The following CADPS2 variants were observed in gnomAD, a reference collection of about 807,000 sequenced individuals.
CADPS2 encodes the protein calcium-dependent secretion activator 2.
Under a neutral mutation model 172.5 loss-of-function variants are expected in CADPS2, and 93 were observed. The observed-to-expected ratio is 0.54, with a 90% CI of 0.46 to 0.64. CADPS2 has a LOEUF of 0.64. Ranked by LOEUF, CADPS2 falls within the 30% of genes least tolerant of loss-of-function variation. The pLI is 0.00. For synonymous variants in CADPS2, 546 were observed against 555.2 expected, an observed-to-expected ratio of 0.98 and a Z score of 0.23; for missense variants, 1,420 against 1,565.9, an observed-to-expected ratio of 0.91 and a Z score of 1.57.
chr7:122,854,262 C>T (rs1003517263), intron 1 of CADPS2, among the ~76,000 whole-genome samples: 3 of 151,986 alleles, frequency 2.0e-5, no homozygotes, highest in East Asian at 3.9e-4. Context: ...TTCCCAGCTA[C>T]TTGGGAAGCA....
At position 122,537,443 on chromosome 7, in the gene CADPS2, C is replaced by T. The variant is rs532860662; in HGVS notation, c.1475+17107G>A. Among the ~76,000 whole-genome samples, 92 of 151,600 alleles carry T rather than the reference C, an allele frequency of 6.1e-4. 2 individuals carry two copies. The South Asian group carries it at 0.018, about 30-fold the overall frequency. On this transcript the variant is annotated intron_variant, in intron 8 of 29. Coordinates refer to ENST00000449022, the MANE Select transcript of CADPS2 (RefSeq NM_017954.11). ...ATAGAGAATGAAATTAAAGATAAAA[C>T]TAGGTGAAAATTTTACACAAAAACT...
intron 6 of CADPS2, among the ~76,000 whole-genome samples, chr7:122,606,426 T>C (rs184652069): frequency 1.2e-3 from 190 of 152,234 alleles, no homozygotes; most frequent in Non-Finnish European, 1.3e-3. Context: ...GGTAGCCTCA[T>C]AGTTTGAAAA....
chr7:122,327,842 G>A (rs1332355130), intron 28 of CADPS2, among the ~76,000 whole-genome samples: 1 of 151,890 alleles, frequency 6.6e-6, no homozygotes, highest in East Asian at 1.9e-4. Context: ...CTATTATTAA[G>A]TAAAATGTTT....
Position 122,451,485 on chromosome 7 carries a change from A to G in CADPS2, c.2187-10T>C. The G allele has an allele frequency of 6.8e-7, 1 of 1,474,714 alleles. No individual in the cohort carries two copies. Among genetic ancestry groups the G allele is most frequent in the Middle Eastern group, 1.8e-4 (1 of 5,670 alleles). The allele number at this position is 1,474,714 out of a possible 1,614,324, so 91.4% of individuals were successfully genotyped here. On this transcript the variant is annotated splice_polypyrimidine_tract_variant and intron_variant, in intron 14 of 29. Transcript: ENST00000449022. ...CCCAATTCCATCAGGCCTGAAAAAA[A>G]AATCAGAATCAATAATTCATATTGA...
chr7:122,544,292 T>C (rs2063397944), intron 8 of CADPS2, among the ~76,000 whole-genome samples: 1 of 152,158 alleles, frequency 6.6e-6, no homozygotes, highest in Non-Finnish European at 1.5e-5. Context: ...ACATACATCA[T>C]GGGCTAAGGA....
At chr7:122,415,731 T>C (rs1477460945) in intron 18 of CADPS2, among the ~76,000 whole-genome samples, 1 of 152,150 alleles carries the variant, frequency 6.6e-6, no homozygotes, top group Non-Finnish European at 1.5e-5. Flanking sequence ...GGTCATTAAC[T>C]TTCCCCCTTC....
chr7:122,858,300 T>G (rs1277984389), intron 1 of CADPS2, among the ~76,000 whole-genome samples: 1 of 152,162 alleles, frequency 6.6e-6, no homozygotes, highest in Non-Finnish European at 1.5e-5. Flanking sequence ...AGATTTGTCC[T>G]GCAATATACC....
chr7:122,470,171 T>G (rs1586361945), intron 14 of CADPS2, among the ~76,000 whole-genome samples: 1 of 152,096 alleles, frequency 6.6e-6, no homozygotes, highest in Non-Finnish European at 1.5e-5. Context: ...ACAATTTTTT[T>G]GACTGATTGG....
intron 1 of CADPS2, among the ~76,000 whole-genome samples, chr7:122,811,054 T>C (rs762761018): frequency 6.6e-6 from 1 of 152,196 alleles, no homozygotes; most frequent in Non-Finnish European, 1.5e-5. Context: ...CACGTTCTGA[T>C]AAACACATGG....
At chr7:122,553,286 G>A (rs1402652228) in intron 8 of CADPS2, among the ~76,000 whole-genome samples, 1 of 152,152 alleles carries the variant, frequency 6.6e-6, no homozygotes, top group Non-Finnish European at 1.5e-5. Context: ...GAAGACAGTA[G>A]TGCTCAATAC....
At chr7:122,476,754 ATGAAAG>A (rs1449963083) in intron 12 of CADPS2, among the ~76,000 whole-genome samples, 1 of 152,160 alleles carries the variant, frequency 6.6e-6, no homozygotes, top group African/African-American at 2.4e-5. Context: ...TTGTAATTTT[ATGAAAG>A]TGAAATGTGT....
intron 12 of CADPS2, among the ~76,000 whole-genome samples, chr7:122,475,680 A>G (rs1461032250): frequency 3.3e-5 from 5 of 152,200 alleles, no homozygotes; most frequent in Non-Finnish European, 5.9e-5. Flanking sequence ...TTTCAGCCAT[A>G]TTTGTAGATG....
At chr7:122,772,427 C>T (rs930127712) in intron 1 of CADPS2, among the ~76,000 whole-genome samples, 2 of 152,098 alleles carry the variant, frequency 1.3e-5, no homozygotes, top group Admixed American at 6.5e-5. Flanking sequence ...GAAAGCTAGA[C>T]CAAAATTTTA....
At chr7:122,559,770 C>CAAA (rs71161306) in intron 7 of CADPS2, among the ~76,000 whole-genome samples, 2 of 85,114 alleles carry the variant, frequency 2.3e-5, no homozygotes, top group Admixed American at 1.4e-4. Context: ...GACTCCACCT[C>CAAA]AAAAAAAAAA....
chr7:122,696,199 C>T (rs1432874412), intron 2 of CADPS2, among the ~76,000 whole-genome samples: 2 of 152,128 alleles, frequency 1.3e-5, no homozygotes, highest in African/African-American at 4.8e-5. Context: ...TTAGGGACAG[C>T]TGTCATGGGG....
At chr7:122,446,046 CT>C (rs2052148461) in intron 15 of CADPS2, among the ~76,000 whole-genome samples, 4 of 152,068 alleles carry the variant, frequency 2.6e-5, no homozygotes. Flanking sequence ...ACATCCTTGC[CT>C]TTTTATTTTA....
chr7:122,652,165 T>G (rs1408415972), intron 3 of CADPS2, among the ~76,000 whole-genome samples: 1 of 152,204 alleles, frequency 6.6e-6, no homozygotes, highest in Non-Finnish European at 1.5e-5. Flanking sequence ...TTTTTTTCTA[T>G]AAACCTTGCA....
intron 1 of CADPS2, among the ~76,000 whole-genome samples, chr7:122,812,403 T>C (rs907054522): frequency 1.3e-5 from 2 of 149,814 alleles, no homozygotes; most frequent in Non-Finnish European, 3.0e-5. Flanking sequence ...TTAAAAACAC[T>C]TGTTTGGAAA....
chr7:122,802,892 G>A (rs1347124179), intron 1 of CADPS2, among the ~76,000 whole-genome samples: 1 of 152,134 alleles, frequency 6.6e-6, no homozygotes, highest in Non-Finnish European at 1.5e-5. Flanking sequence ...TTCCATTTTT[G>A]TAGTCAAATT....
Sources: gnomAD v4.1 joint callset for allele counts (sites outside exome capture counted in the v4.1 genomes callset) on GRCh38, gnomAD v4.1.1 for gene constraint, MANE v1.5 for transcripts, NCBI Gene and HGNC (gene_info 2026-07-23, HGNC 2026-07-21) for gene names.